The following IKZF1 variants were observed in gnomAD, a reference collection of about 807,000 sequenced individuals.
IKZF1 encodes the protein IKAROS family zinc finger 1.
In IKZF1, 10 loss-of-function variants were observed where a neutral mutation model predicts 51.7. The ratio of observed to expected loss-of-function variants is 0.19; its 90% CI spans 0.12 to 0.33. The LOEUF (loss-of-function observed/expected upper bound fraction) is 0.33. Ranked by LOEUF, IKZF1 falls within the 10% of genes least tolerant of loss-of-function variation. The probability of loss-of-function intolerance (pLI) is 1.00; values close to 1 mark genes in which losing one functional copy is unlikely to be tolerated. For synonymous variants in IKZF1, 280 were observed against 282.3 expected (o/e 0.99, Z 0.08); for missense variants, 484 against 707.5 (o/e 0.68, Z 3.58).
At chr7:50,394,289 C>G (rs972530285) in intron 7 of IKZF1, 4 of 232,970 alleles carry the variant, frequency 1.7e-5, no homozygotes, top group African/African-American at 8.8e-5. Flanking sequence ...CTTACCCCCG[C>G]TTCAACTTGA....
intron 3 of IKZF1, among the ~76,000 whole-genome samples, chr7:50,331,854 G>T (rs950928231): frequency 1.3e-5 from 2 of 152,214 alleles, no homozygotes; most frequent in African/African-American, 4.8e-5. Context: ...TGAAACAAAG[G>T]ATTTAAAGTG....
intron 3 of IKZF1, among the ~76,000 whole-genome samples, chr7:50,374,105 C>T (rs905632570): frequency 6.6e-6 from 1 of 152,188 alleles, no homozygotes; most frequent in African/African-American, 2.4e-5. Flanking sequence ...TCCAAGTCCA[C>T]CATGTCCCAG....
intron 3 of IKZF1, among the ~76,000 whole-genome samples, chr7:50,335,447 G>A (rs1456074047): frequency 1.7e-5 from 2 of 117,758 alleles, no homozygotes; most frequent in East Asian, 2.7e-4. Flanking sequence ...TGTGTGGTGT[G>A]TGTGTGGTGT....
At chr7:50,375,528 T>C (rs1809982541) in intron 3 of IKZF1, among the ~76,000 whole-genome samples, 1 of 152,240 alleles carries the variant, frequency 6.6e-6, no homozygotes, top group African/African-American at 2.4e-5. Flanking sequence ...TAGTGTTGGA[T>C]TCACCAATGT....
At chr7:50,312,480 C>G (rs1213134789) in intron 1 of IKZF1, among the ~76,000 whole-genome samples, 1 of 152,228 alleles carries the variant, frequency 6.6e-6, no homozygotes, top group African/African-American at 2.4e-5. Flanking sequence ...AACGTGAACA[C>G]AGAGGACTGT....
chr7:50,383,000 A>G (rs1192701460), intron 5 of IKZF1, among the ~76,000 whole-genome samples: 2 of 152,172 alleles, frequency 1.3e-5, no homozygotes, highest in African/African-American at 4.8e-5. Context: ...CCCGTTTGTC[A>G]GGCTGGTATG....
chr7:50,391,664 T>C (rs772294398), intron 6 of IKZF1, 65 bp from the exon 7 acceptor site: 162 of 1,579,486 alleles, frequency 1.0e-4, no homozygotes, highest in African/African-American at 4.4e-4. Context: ...AGATTTAACA[T>C]TGGACGCGAC....
At chr7:50,327,004 A>G (rs183156225) in intron 2 of IKZF1, among the ~76,000 whole-genome samples, 3 of 152,298 alleles carry the variant, frequency 2.0e-5, no homozygotes, top group Admixed American at 2.0e-4. Context: ...TGGCAAGCTC[A>G]TTGTGGGGGT....
intron 2 of IKZF1, among the ~76,000 whole-genome samples, chr7:50,325,713 T>C (rs1161357818): frequency 6.6e-6 from 1 of 151,720 alleles, no homozygotes; most frequent in African/African-American, 2.4e-5. Context: ...AGGCCGAGCT[T>C]GCAGTGAGCC....
chr7:50,323,887 C>A (rs1794112347), intron 2 of IKZF1, among the ~76,000 whole-genome samples: 1 of 152,148 alleles, frequency 6.6e-6, no homozygotes, highest in Non-Finnish European at 1.5e-5. Flanking sequence ...GTGGGATAGA[C>A]CAAAATCATG....
At position 50,403,172 on chromosome 7, in the gene IKZF1, G is replaced by A. The variant is rs940105520; in HGVS notation, c.*2545G>A. The stretch of plus-strand genomic sequence containing the variant: ...ACACCTTTTGTTGTGGTTTTATATT[G>A]TAACACCATTTTTCTTTGAAACTAT... On this transcript the variant is annotated 3_prime_UTR_variant, in exon 8 of 8. Coordinates refer to ENST00000331340, the MANE Select transcript of IKZF1 (RefSeq NM_006060.6). The A allele has an allele frequency of 6.4e-5, 14 of 218,678 alleles. No individual in the cohort carries two copies. Among genetic ancestry groups the A allele is most frequent in the African/African-American group, 2.7e-4 (12 of 44,374 alleles). 13.5% of individuals were successfully genotyped at this position (218,678 alleles called of 1,614,324 possible). A position where few individuals can be genotyped will look rare whatever the true frequency, so the allele number is the denominator to read the frequency against.
chr7:50,353,441 A>T (rs1033558307), intron 3 of IKZF1, among the ~76,000 whole-genome samples: 2 of 152,098 alleles, frequency 1.3e-5, no homozygotes, highest in Non-Finnish European at 2.9e-5. Context: ...TCTGCAATGG[A>T]TGTTGTGGCC....
intron 3 of IKZF1, among the ~76,000 whole-genome samples, chr7:50,348,905 C>T (rs1025996830): frequency 2.0e-5 from 3 of 152,194 alleles, no homozygotes; most frequent in South Asian, 2.1e-4. Flanking sequence ...CATGGGCAGG[C>T]ATGGCCCTTT....
At chr7:50,324,490 G>A (rs980904226) in intron 2 of IKZF1, among the ~76,000 whole-genome samples, 2 of 152,160 alleles carry the variant, frequency 1.3e-5, no homozygotes, top group Non-Finnish European at 2.9e-5. Context: ...TTCTCCCCAT[G>A]TGGTTTCTTC....
chr7:50,355,809 C>T (rs1293542200), intron 3 of IKZF1, among the ~76,000 whole-genome samples: 2 of 152,144 alleles, frequency 1.3e-5, no homozygotes, highest in Non-Finnish European at 2.9e-5. Context: ...AAAAACCTGC[C>T]CTAGGGAGGC....
At chr7:50,352,771 A>G (rs1050724456) in intron 3 of IKZF1, among the ~76,000 whole-genome samples, 7 of 152,380 alleles carry the variant, frequency 4.6e-5, no homozygotes, top group Non-Finnish European at 7.3e-5. Flanking sequence ...TCAAATACTA[A>G]TGACATTTTT....
In IKZF1 at chr7:50,387,619, T is replaced by C; in HGVS notation, c.715+149T>C. On this transcript the variant is annotated intron_variant, in intron 6 of 7. Transcript: ENST00000331340. The stretch of plus-strand genomic sequence containing the variant: ...GGAGGGAAGTTTTTGGCCAATAGCA[T>C]CAGTTTCACCAGAAGCACGTTGTGC... 5.5e-6 allele frequency: 7 copies of C among 1,264,934 alleles called. No individual in the cohort carries two copies. The South Asian group carries it at 1.3e-4, about 24-fold the overall frequency. 78.4% of individuals were successfully genotyped at this position (1,264,934 alleles called of 1,614,324 possible).
rs1460670247 is a variant in IKZF1, at chr7:50,403,886, G to A, written c.*3259G>A. The stretch of plus-strand genomic sequence containing the variant: ...GTCCTCTTCTTGCCAAAACAAACGC[G>A]AGATGAACTGGACTTATGTAGACAA... On this transcript the variant is annotated 3_prime_UTR_variant, in exon 8 of 8. Transcript: ENST00000331340. 4.6e-6 allele frequency: 1 copy of A among 218,252 alleles called. No individual in the cohort carries two copies. The highest frequency in any genetic ancestry group is 9.2e-6 in the Non-Finnish European group (1 of 108,314). The allele number at this position is 218,252 out of a possible 1,614,324, so 13.5% of individuals were successfully genotyped here. A position where few individuals can be genotyped will look rare whatever the true frequency, so the allele number is the denominator to read the frequency against.
intron 3 of IKZF1, among the ~76,000 whole-genome samples, chr7:50,344,044 A>G (rs947595212): frequency 9.9e-5 from 15 of 152,112 alleles, no homozygotes; most frequent in African/African-American, 3.6e-4. Context: ...CAAACCCCCA[A>G]AAAATCCTCC....
Sources: gnomAD v4.1 joint callset for allele counts (sites outside exome capture counted in the v4.1 genomes callset) on GRCh38, gnomAD v4.1.1 for gene constraint, MANE v1.5 for transcripts, NCBI Gene and HGNC (gene_info 2026-07-23, HGNC 2026-07-21) for gene names.